The following CIP2A variants were observed in gnomAD, a reference collection of about 807,000 sequenced individuals.
CIP2A encodes the protein protein CIP2A.
CIP2A carries 103 observed loss-of-function variants against 110.9 expected under a neutral mutation model. The observed-to-expected ratio is 0.93, with a 90% CI of 0.79 to 1.09. The LOEUF is 1.09. Ranked by LOEUF, CIP2A falls within the 50% of genes least tolerant of loss-of-function variation. The pLI is 0.00. For missense variants in CIP2A, 1,088 were observed against 1,038.4 expected (o/e 1.05, Z -0.66); for synonymous variants, 381 against 361.6 (o/e 1.05, Z -0.61).
chr3:108,589,431 T>A lies in CIP2A; in HGVS notation c.-56A>T. 7.7e-7 allele frequency: 1 copy of A among 1,300,804 alleles called. No homozygotes were observed. The highest frequency in any genetic ancestry group is 1.3e-5 in the South Asian group (1 of 78,624). 80.6% of individuals were successfully genotyped at this position (1,300,804 alleles called of 1,614,324 possible). Reference sequence around the variant, plus strand: ...CCACCGCCCAGCGTGCGCCGGCCTTTAGCTTTCGCCGCGCTTTTTTTGATT... The same window carrying A: ...CCACCGCCCAGCGTGCGCCGGCCTTAAGCTTTCGCCGCGCTTTTTTTGATT... On this transcript the variant is annotated 5_prime_UTR_variant, in exon 1 of 21. Transcript: ENST00000295746.
chr3:108,571,822 T>C (rs905751011), intron 8 of CIP2A, among the ~76,000 whole-genome samples: 6 of 152,168 alleles, frequency 3.9e-5, no homozygotes, highest in East Asian at 1.9e-4. Flanking sequence ...CCAGTATTAA[T>C]AGATACCAGT....
chr3:108,557,103 CAT>C (rs1469500398), intron 17 of CIP2A, 113 bp downstream of exon 17: 3 of 582,342 alleles, frequency 5.2e-6, no homozygotes, highest in Admixed American at 2.9e-5. Flanking sequence ...TTACTTACCT[CAT>C]GTGTTATCAG....
At chr3:108,554,516 AT>A (rs755531575) in intron 17 of CIP2A, 27 bp from the exon 18 acceptor site, 5 of 946,748 alleles carry the variant, frequency 5.3e-6, no homozygotes, top group Non-Finnish European at 6.6e-6. Context: ...ATGAGTTGGC[AT>A]CATTATGGAG....
At position 108,553,921 on chromosome 3, in the gene CIP2A, G is replaced by T. The variant is rs970612929; in HGVS notation, c.2325-191C>A. 1.2e-4 allele frequency among the ~76,000 whole-genome samples: 6 copies of T among 52,100 alleles called. No homozygotes were observed. In the South Asian group the frequency reaches 2.3e-3, roughly 20 times the overall value. The allele number at this position is 52,100 out of a possible 152,430, so 34.2% of individuals were successfully genotyped here. A position where few individuals can be genotyped will look rare whatever the true frequency, so the allele number is the denominator to read the frequency against. On this transcript the variant is annotated intron_variant, in intron 18 of 20. Transcript: ENST00000295746. ...TAAAAAAAAAAAAAAAAAAAAAAAG[G>T]TCTCGTTCTGTCACCCAGGCTGGAG...
intron 17 of CIP2A, among the ~76,000 whole-genome samples, chr3:108,555,006 C>A (rs1937738122): frequency 6.6e-6 from 1 of 152,028 alleles, no homozygotes; most frequent in Non-Finnish European, 1.5e-5. Flanking sequence ...CAAAAAAAAC[C>A]AGTAGCCAAA....
At chr3:108,582,919 A>C in intron 3 of CIP2A, 58 bp downstream of exon 3, 1 of 1,018,982 alleles carries the variant, frequency 9.8e-7, no homozygotes, top group Non-Finnish European at 1.5e-6. Flanking sequence ...TATGACAGAA[A>C]CTATCAATTT....
At position 108,560,044 on chromosome 3, in the gene CIP2A, A is replaced by T. The variant is rs768714913; in HGVS notation, c.1828-16T>A. 1 of 1,430,220 alleles carries T rather than the reference A, an allele frequency of 7.0e-7. No individual in the cohort carries two copies. Among genetic ancestry groups the T allele is most frequent in the Admixed American group, 1.9e-5 (1 of 51,722 alleles). 88.6% of individuals were successfully genotyped at this position (1,430,220 alleles called of 1,614,324 possible). On this transcript the variant is annotated splice_polypyrimidine_tract_variant and intron_variant, in intron 14 of 20. Coordinates refer to ENST00000295746, the MANE Select transcript of CIP2A (RefSeq NM_020890.3). ...GATCCTTTACCTACATTTTAAGAGT[A>T]AAAAAACTTAAAATTTTAATAAAAT...
chr3:108,587,695 A>T (rs1337141865), intron 1 of CIP2A, among the ~76,000 whole-genome samples: 1 of 152,234 alleles, frequency 6.6e-6, no homozygotes, highest in Non-Finnish European at 1.5e-5. Flanking sequence ...ATACCTTTGC[A>T]ACAACGGTAG....
intron 17 of CIP2A, among the ~76,000 whole-genome samples, chr3:108,555,390 A>G (rs1937760114): frequency 6.6e-6 from 1 of 152,196 alleles, no homozygotes; most frequent in Admixed American, 6.5e-5. Flanking sequence ...TAACTTGTTA[A>G]ACAGGAAGGT....
chr3:108,569,181 T>TATATATATATAC lies in CIP2A; in HGVS notation c.1113+207_1113+208insGTATATATATAT. On this transcript the variant is annotated intron_variant, in intron 9 of 20. Coordinates refer to ENST00000295746, the MANE Select transcript of CIP2A (RefSeq NM_020890.3). ...CTGAAATGAGCACTATATATATATA[T>TATATATATATAC]ACATACACACTACTCAGTGAAAAAA... Among the ~76,000 whole-genome samples, 35 of 57,944 alleles carry TATATATATATAC rather than the reference T, an allele frequency of 6.0e-4. 5 individuals carry two copies. Among genetic ancestry groups the TATATATATATAC allele is most frequent in the African/African-American group, 1.1e-3 (24 of 21,426 alleles). The allele number at this position is 57,944 out of a possible 152,430, so 38.0% of individuals were successfully genotyped here. A position where few individuals can be genotyped will look rare whatever the true frequency, so the allele number is the denominator to read the frequency against.
rs763842814 is a variant in CIP2A at position 108,552,218 on chromosome 3, T to A, written c.2547+16A>T. On this transcript the variant is annotated intron_variant, in intron 20 of 20. Transcript: ENST00000295746. ...TTTTTATTTTACTGCAAATGAGAAA[T>A]GGAACAGATTCTTACCTTAATGCTC... The A allele has an allele frequency of 6.5e-7, 1 of 1,543,036 alleles. No individual in the cohort carries two copies. Among genetic ancestry groups the A allele is most frequent in the South Asian group, 1.3e-5 (1 of 78,846 alleles).
At chr3:108,553,116 C>CTTTTTTTT (rs1559687188) in intron 19 of CIP2A, among the ~76,000 whole-genome samples, 6 of 131,164 alleles carry the variant, frequency 4.6e-5, no homozygotes, top group Admixed American at 8.5e-5. Flanking sequence ...CATCTCTTTC[C>CTTTTTTTT]TTTTGTTTTT....
chr3:108,557,182 G>C (rs372361297), intron 17 of CIP2A, 36 bp downstream of exon 17: 166 of 1,367,278 alleles, frequency 1.2e-4, no homozygotes, highest in Non-Finnish European at 1.5e-4. Context: ...TTCATTCTAG[G>C]TTCTAACCTT....
At chr3:108,575,627 T>C (rs371763761) in intron 8 of CIP2A, among the ~76,000 whole-genome samples, 4,622 of 67,892 alleles carry the variant, frequency 0.068, 757 homozygotes, top group African/African-American at 0.094. Flanking sequence ...TGTGTATATA[T>C]ACGTGTATAT....
intron 10 of CIP2A, among the ~76,000 whole-genome samples, chr3:108,567,611 C>CTT (rs551649110): frequency 1.3e-5 from 2 of 151,958 alleles, no homozygotes; most frequent in East Asian, 3.9e-4. Flanking sequence ...TAAAAGGTTT[C>CTT]TTTTTAAATG....
chr3:108,565,893 C>G (rs1315746953), intron 11 of CIP2A, among the ~76,000 whole-genome samples: 1 of 151,700 alleles, frequency 6.6e-6, no homozygotes, highest in African/African-American at 2.4e-5. Context: ...ACAGATAATT[C>G]TTACTCTAAA....
At chr3:108,571,720 T>C (rs1433682178) in intron 8 of CIP2A, among the ~76,000 whole-genome samples, 1 of 152,160 alleles carries the variant, frequency 6.6e-6, no homozygotes, top group Non-Finnish European at 1.5e-5. Flanking sequence ...TGTTAGCTAT[T>C]AGGAGCAGTA....
chr3:108,560,596 G>A (rs901418426), intron 14 of CIP2A, 53 bp downstream of exon 14: 45 of 1,044,808 alleles, frequency 4.3e-5, no homozygotes, highest in Non-Finnish European at 6.1e-5. Context: ...TTATAATTGG[G>A]ACTGACATAT....
Position 108,558,825 on chromosome 3 carries a change from G to A in CIP2A, c.2013+932C>T, listed in dbSNP as rs1937900913. 5.3e-5 allele frequency among the ~76,000 whole-genome samples: 8 copies of A among 152,258 alleles called. 1 individual carries two copies. The South Asian group carries it at 1.7e-3, about 32-fold the overall frequency. On this transcript the variant is annotated intron_variant, in intron 16 of 20. Coordinates refer to ENST00000295746, the MANE Select transcript of CIP2A (RefSeq NM_020890.3). ...GTCAAGTTTCAGAAAAAGCAAAGTG[G>A]CCTAACATGGCTGACTGCAAAGAAT...
Sources: allele counts gnomAD v4.1 joint callset (sites outside exome capture counted in the v4.1 genomes callset), GRCh38; gene constraint gnomAD v4.1.1; transcripts MANE v1.5; gene names NCBI Gene and HGNC (gene_info 2026-07-23, HGNC 2026-07-21).